The following TBC1D19 variants were observed in gnomAD, a reference collection of about 807,000 sequenced individuals.
The protein encoded by TBC1D19 is TBC1 domain family member 19, also known as TBC1 domain family, member 19.
In TBC1D19, 60 loss-of-function variants were observed where a neutral mutation model predicts 89.0. That is an observed-to-expected ratio of 0.67 (90% CI 0.55 to 0.84). The LOEUF is 0.84. Ranked by LOEUF, TBC1D19 falls within the 40% of genes least tolerant of loss-of-function variation. The pLI, the probability that TBC1D19 is intolerant of heterozygous loss-of-function variation, is 0.00. For missense variants in TBC1D19, 500 were observed against 610.8 expected, an observed-to-expected ratio of 0.82 and a Z score of 1.91; for synonymous variants, 189 against 199.7, an observed-to-expected ratio of 0.95 and a Z score of 0.45.
chr4:26,682,419 T>C (rs533581208), intron 11 of TBC1D19, among the ~76,000 whole-genome samples: 3 of 152,192 alleles, frequency 2.0e-5, no homozygotes, highest in Admixed American at 6.5e-5. Context: ...GCCAAAGAAC[T>C]ATGTATTAAA....
At chr4:26,641,530 A>G (rs1473637763) in intron 7 of TBC1D19, among the ~76,000 whole-genome samples, 1 of 152,234 alleles carries the variant, frequency 6.6e-6, no homozygotes, top group Non-Finnish European at 1.5e-5. Flanking sequence ...CCTCCAAAGG[A>G]TCGCAGCTCC....
the TBC1D19 span, among the ~76,000 whole-genome samples, chr4:26,825,528 T>C: frequency 6.6e-6 from 1 of 152,252 alleles, no homozygotes; most frequent in Non-Finnish European, 1.5e-5. Flanking sequence ...ATCCAGGCCA[T>C]AGTGAATGTA....
intron 14 of TBC1D19, among the ~76,000 whole-genome samples, chr4:26,718,634 G>T (rs574247637): frequency 1.8e-3 from 272 of 152,136 alleles, no homozygotes; most frequent in African/African-American, 6.2e-3. Context: ...ACTTTCTCCT[G>T]TATCTCTTAT....
chr4:26,798,850 AAAT>A, the TBC1D19 span, among the ~76,000 whole-genome samples: 7 of 152,066 alleles, frequency 4.6e-5, no homozygotes, highest in Non-Finnish European at 1.0e-4. Flanking sequence ...ACAAAGATGG[AAAT>A]AATAGACACT....
At chr4:26,686,220 A>T (rs1713797906) in intron 12 of TBC1D19, among the ~76,000 whole-genome samples, 1 of 152,218 alleles carries the variant, frequency 6.6e-6, no homozygotes, top group Admixed American at 6.5e-5. Flanking sequence ...TAAAGGTTAA[A>T]GGAATGAATG....
chr4:26,696,057 G>T (rs1302948634), intron 13 of TBC1D19, among the ~76,000 whole-genome samples: 1 of 152,296 alleles, frequency 6.6e-6, no homozygotes, highest in East Asian at 1.9e-4. Flanking sequence ...AAAAGACACA[G>T]ACTAGCACAT....
intron 18 of TBC1D19, among the ~76,000 whole-genome samples, chr4:26,744,378 T>C (rs1276567876): frequency 6.6e-6 from 1 of 151,560 alleles, no homozygotes; most frequent in Admixed American, 6.6e-5. Flanking sequence ...TTAATTTTAT[T>C]TATTTTTACT....
intron 4 of TBC1D19, among the ~76,000 whole-genome samples, chr4:26,622,543 C>T (rs779782175): frequency 5.3e-5 from 8 of 152,070 alleles, no homozygotes; most frequent in South Asian, 2.1e-4. Flanking sequence ...ATGTATATCA[C>T]GGATCTGCAA....
At chr4:26,629,663 C>G (rs755414642) in intron 4 of TBC1D19, among the ~76,000 whole-genome samples, 3 of 151,952 alleles carry the variant, frequency 2.0e-5, no homozygotes, top group Non-Finnish European at 2.9e-5. Context: ...TTAAAAGAAT[C>G]TAAATGAATA....
the TBC1D19 span, among the ~76,000 whole-genome samples, chr4:26,845,725 T>C: frequency 1.3e-5 from 2 of 152,228 alleles, no homozygotes; most frequent in East Asian, 1.9e-4. Context: ...CTCACAATCA[T>C]GGCAGAAGGT....
chr4:26,697,521 C>G (rs1242230417), intron 13 of TBC1D19, among the ~76,000 whole-genome samples: 2 of 152,166 alleles, frequency 1.3e-5, no homozygotes, highest in Non-Finnish European at 2.9e-5. Flanking sequence ...ATGAGGCCAG[C>G]ATCATCCTGA....
At chr4:26,758,541 T>C (rs924955877), downstream of TBC1D19, among the ~76,000 whole-genome samples, 1 of 152,132 alleles carries the variant, frequency 6.6e-6, no homozygotes, top group South Asian at 2.1e-4. Flanking sequence ...TCAGGACCAG[T>C]GCAAAATCGA....
chr4:26,701,575 G>A (rs1715335259), intron 13 of TBC1D19, among the ~76,000 whole-genome samples: 1 of 152,050 alleles, frequency 6.6e-6, no homozygotes. Flanking sequence ...TATTGAGAAG[G>A]AAGCTTTCTT....
intron 1 of TBC1D19, among the ~76,000 whole-genome samples, chr4:26,594,439 A>G (rs1290222648): frequency 2.6e-5 from 4 of 152,010 alleles, no homozygotes; most frequent in African/African-American, 9.7e-5. Flanking sequence ...TTAAAGTATA[A>G]TTTAAAAAAA....
the TBC1D19 span, among the ~76,000 whole-genome samples, chr4:26,827,717 G>GTTTT: frequency 8.4e-5 from 12 of 143,710 alleles, no homozygotes; most frequent in African/African-American, 3.1e-4. Context: ...TTTTTGTTTT[G>GTTTT]TTTTTTTTTT....
chr4:26,716,486 C>T (rs576172115), intron 13 of TBC1D19, among the ~76,000 whole-genome samples: 2 of 152,174 alleles, frequency 1.3e-5, no homozygotes, highest in South Asian at 2.1e-4. Flanking sequence ...TAAAGGCGTA[C>T]ATATTTAGTC....
intron 7 of TBC1D19, among the ~76,000 whole-genome samples, chr4:26,640,583 G>A (rs962991175): frequency 6.6e-6 from 1 of 152,198 alleles, no homozygotes; most frequent in African/African-American, 2.4e-5. Flanking sequence ...CACGGAGGGT[G>A]AGCCGAAGCA....
At chr4:26,652,700 G>T (rs1324253525) in intron 7 of TBC1D19, among the ~76,000 whole-genome samples, 1 of 152,148 alleles carries the variant, frequency 6.6e-6, no homozygotes, top group East Asian at 1.9e-4. Flanking sequence ...ATTTCTGTGG[G>T]ATCAGTGGTC....
intron 17 of TBC1D19, chr4:26,740,598 T>C (rs1718303396): frequency 1.3e-5 from 12 of 949,546 alleles, no homozygotes; most frequent in Non-Finnish European, 1.5e-5. Flanking sequence ...TTTAATCTGT[T>C]CTCTTTTGGC....
Sources: gnomAD v4.1 joint callset for allele counts (sites outside exome capture counted in the v4.1 genomes callset) on GRCh38, gnomAD v4.1.1 for gene constraint, MANE v1.5 for transcripts, NCBI Gene and HGNC (gene_info 2026-07-23, HGNC 2026-07-21) for gene names.